The following INTS6 variants were observed in gnomAD, a reference collection of about 807,000 sequenced individuals.
INTS6 encodes DEAD box protein.
INTS6 carries 16 observed loss-of-function variants against 104.9 expected under a neutral mutation model. That is an observed-to-expected ratio of 0.15 (90% confidence interval 0.10 to 0.23). INTS6 has a LOEUF of 0.23. Ranked by LOEUF, INTS6 falls within the 10% of genes least tolerant of loss-of-function variation. INTS6 has a pLI of 1.00. For synonymous variants in INTS6, 324 were observed against 358.7 expected, an observed-to-expected ratio of 0.90 and a Z score of 1.09; for missense variants, 584 against 1,062.8, an observed-to-expected ratio of 0.55 and a Z score of 6.26.
intron 4 of INTS6, among the ~76,000 whole-genome samples, chr13:51,412,684 G>C (rs924944609): frequency 2.0e-5 from 3 of 152,158 alleles, no homozygotes; most frequent in African/African-American, 7.2e-5. Flanking sequence ...CATTATAAGG[G>C]ATACCTGAAG....
chr13:51,415,645 C>A (rs556443402), intron 4 of INTS6, among the ~76,000 whole-genome samples: 128 of 129,140 alleles, frequency 9.9e-4, no homozygotes, highest in African/African-American at 3.3e-3. Flanking sequence ...AACTTTAAGT[C>A]CATTAAACCT....
intron 4 of INTS6, among the ~76,000 whole-genome samples, chr13:51,397,246 A>C (rs185183900): frequency 1.1e-4 from 16 of 152,288 alleles, no homozygotes; most frequent in African/African-American, 3.9e-4. Flanking sequence ...ACTTACATCA[A>C]ACCATTAAAA....
intron 15 of INTS6, among the ~76,000 whole-genome samples, chr13:51,373,715 G>C (rs1955860565): frequency 6.6e-6 from 1 of 152,024 alleles, no homozygotes; most frequent in Non-Finnish European, 1.5e-5. Context: ...AAATCCTCTT[G>C]CCAAATGCTT....
intron 4 of INTS6, among the ~76,000 whole-genome samples, chr13:51,399,886 C>T (rs1956405678): frequency 6.6e-6 from 1 of 152,086 alleles, no homozygotes; most frequent in Admixed American, 6.6e-5. Flanking sequence ...CTAGCTTTCT[C>T]TTATTGATTT....
downstream of INTS6, among the ~76,000 whole-genome samples, chr13:51,351,545 G>A (rs1288917674): frequency 6.6e-6 from 1 of 152,118 alleles, no homozygotes; most frequent in African/African-American, 2.4e-5. Flanking sequence ...TACCTTAACA[G>A]ATATATGATT....
chr13:51,372,697 C>T (rs1364091993), intron 15 of INTS6, among the ~76,000 whole-genome samples: 1 of 152,184 alleles, frequency 6.6e-6, no homozygotes, highest in Admixed American at 6.5e-5. Flanking sequence ...TCAAGACATA[C>T]GTCTGACTCC....
intron 11 of INTS6, among the ~76,000 whole-genome samples, chr13:51,379,087 G>GA (rs1444413614): frequency 6.6e-6 from 1 of 151,576 alleles, no homozygotes; most frequent in African/African-American, 2.4e-5. Flanking sequence ...ACATTTCAAA[G>GA]AAACTCCCAT....
intron 3 of INTS6, chr13:51,442,632 T>C (rs1952819485): frequency 6.5e-6 from 1 of 152,928 alleles, no homozygotes; most frequent in Admixed American, 6.5e-5. Context: ...AAGTGAGCAT[T>C]ACCGTTGGGG....
chr13:51,372,827 C>T (rs924764078), intron 15 of INTS6, among the ~76,000 whole-genome samples: 7 of 152,154 alleles, frequency 4.6e-5, no homozygotes, highest in African/African-American at 7.2e-5. Context: ...ATCTGTTCCC[C>T]GGGTTTCCCA....
At chr13:51,393,228 C>CCAT (rs1956276113) in intron 5 of INTS6, among the ~76,000 whole-genome samples, 1 of 152,134 alleles carries the variant, frequency 6.6e-6, no homozygotes, top group South Asian at 2.1e-4. Flanking sequence ...CAGGCGTGTG[C>CCAT]CATCACGCCC....
chr13:51,403,850 G>T (rs377661159), intron 4 of INTS6, among the ~76,000 whole-genome samples: 2 of 151,918 alleles, frequency 1.3e-5, no homozygotes, highest in Non-Finnish European at 2.9e-5. Context: ...CCACTCATGC[G>T]GTCTAAGCAA....
chr13:51,347,025 G>T, the INTS6 span: 2 of 1,574,134 alleles, frequency 1.3e-6, no homozygotes, highest in South Asian at 2.3e-5. Context: ...CTGCTTGCAG[G>T]TGGGGGCCCC....
chr13:51,386,633 T>C (rs1956144946), intron 7 of INTS6, among the ~76,000 whole-genome samples: 1 of 152,138 alleles, frequency 6.6e-6, no homozygotes, highest in African/African-American at 2.4e-5. Context: ...AAAAAGGTTT[T>C]GTTGTATCAA....
In INTS6 at chr13:51,452,231, A is replaced by T; in HGVS notation, c.112-176T>A. 1 of 634,700 alleles carries T rather than the reference A, an allele frequency of 1.6e-6. No homozygotes were observed. Among genetic ancestry groups the T allele is most frequent in the Non-Finnish European group, 2.2e-6 (1 of 456,434 alleles). The allele number at this position is 634,700 out of a possible 1,614,324, so 39.3% of individuals were successfully genotyped here. On this transcript the variant is annotated intron_variant, in intron 1 of 17. Coordinates refer to ENST00000311234, the MANE Select transcript of INTS6 (RefSeq NM_012141.3). This position sits in a 1 kb window ranked among gnomAD's most constrained non-coding sequence, Gnocchi z 4.2. ...CTCCCCACACACCGCCCGGGGCCGG[A>T]GCCCGGGCCCCGGCCGAACCCGGCT... is the stretch of plus-strand genomic sequence containing the variant.
rs1354870568 is a variant in INTS6 at position 51,403,600 on chromosome 13, A to AAAAAGAAAAAAG, written c.430-8118_430-8117insCTTTTTTCTTTT. Among the ~76,000 whole-genome samples the AAAAAGAAAAAAG allele has an allele frequency of 5.2e-4, 79 of 150,620 alleles. 2 individuals carry two copies. The East Asian group carries it at 0.015, about 29-fold the overall frequency. On this transcript the variant is annotated intron_variant, in intron 4 of 17. Coordinates refer to ENST00000311234, the MANE Select transcript of INTS6 (RefSeq NM_012141.3). ...CCATTTCAAAAAAAAAAAAGAAAAA[A>AAAAAGAAAAAAG]AAAAGAAAAAAAAAAAAAGAAAAAG... is the stretch of plus-strand genomic sequence containing the variant.
intron 4 of INTS6, among the ~76,000 whole-genome samples, chr13:51,429,763 CAAAAAAA>C (rs35873020): frequency 5.2e-4 from 14 of 27,086 alleles, no homozygotes; most frequent in South Asian, 2.7e-3. Flanking sequence ...GACTCTGTCT[CAAAAAAA>C]AAAAAAAAAA....
rs540305988 is a variant in INTS6 at position 51,367,787 on chromosome 13, A to G, written c.2570+18T>C. ...ACTCATTTCATCACCATTTCATTAT[A>G]TGCAATAGTTTATTTACCTTGATGC... On this transcript the variant is annotated intron_variant, in intron 17 of 17. Coordinates refer to ENST00000311234, the MANE Select transcript of INTS6 (RefSeq NM_012141.3). The G allele has an allele frequency of 3.0e-6, 4 of 1,335,860 alleles. No homozygotes were observed. The East Asian group carries it at 9.4e-5, about 31-fold the overall frequency. 82.8% of individuals were successfully genotyped at this position (1,335,860 alleles called of 1,614,324 possible).
At chr13:51,446,490 G>T (rs1952921162) in intron 3 of INTS6, 1 of 152,150 alleles carries the variant, frequency 6.6e-6, no homozygotes, top group South Asian at 2.1e-4. Flanking sequence ...ATGAAAAACA[G>T]TATGGTACTT....
intron 13 of INTS6, among the ~76,000 whole-genome samples, chr13:51,375,743 G>GTT (rs1566209045): frequency 1.9e-4 from 28 of 147,084 alleles, no homozygotes; most frequent in African/African-American, 6.7e-4. Flanking sequence ...GGGTGTGTGT[G>GTT]TGTGTGTGTG....
Sources: allele counts gnomAD v4.1 joint callset (sites outside exome capture counted in the v4.1 genomes callset), GRCh38; gene constraint gnomAD v4.1.1; non-coding constraint Gnocchi (gnomAD v3.1); transcripts MANE v1.5; gene names NCBI Gene and HGNC (gene_info 2026-07-23, HGNC 2026-07-21).